DNAH3: variants seen among roughly 807,000 people sequenced by gnomAD.
The protein encoded by DNAH3 is axonemal beta dynein heavy chain 3.
DNAH3 carries 332 observed loss-of-function variants against 432.5 expected under a neutral mutation model. The ratio of observed to expected loss-of-function variants is 0.77; its 90% CI spans 0.70 to 0.84. DNAH3 has a LOEUF of 0.84. DNAH3 is among the 40% of genes least tolerant of loss of function. The pLI is 0.00. For missense variants in DNAH3, 4,861 were observed against 5,114.0 expected (o/e 0.95, Z 1.51); for synonymous variants, 1,956 against 1,900.2 (o/e 1.03, Z -0.76).
intron 18 of DNAH3, among the ~76,000 whole-genome samples, 157 bp downstream of exon 18, chr16:21,097,198 C>T (rs2091707227): frequency 1.3e-5 from 2 of 152,254 alleles, no homozygotes; most frequent in African/African-American, 4.8e-5. Flanking sequence ...TTTATTATCA[C>T]ATCAGATAAT....
intron 3 of DNAH3, 137 bp from the exon 5 acceptor site, chr16:21,141,509 GA>G: frequency 1.6e-6 from 1 of 625,312 alleles, no homozygotes; most frequent in South Asian, 2.1e-5. Context: ...CGTGGCAGGA[GA>G]TGTGGGCTCA....
At chr16:20,957,764 G>A (rs8060816) in intron 54 of DNAH3, among the ~76,000 whole-genome samples, 32,628 of 134,680 alleles carry the variant, frequency 0.24, 3,872 homozygotes, top group Admixed American at 0.32. Context: ...TGGAGATCGC[G>A]TCATTGCACT....
intron 1 of DNAH3, among the ~76,000 whole-genome samples, chr16:21,152,568 G>A (rs1336528152): frequency 3.3e-5 from 5 of 152,272 alleles, no homozygotes; most frequent in African/African-American, 1.2e-4. Flanking sequence ...GCCGAAGCCG[G>A]CTCCCTCAGC....
intron 1 of DNAH3, among the ~76,000 whole-genome samples, chr16:21,151,743 T>C (rs1183573490): frequency 1.3e-5 from 2 of 152,206 alleles, no homozygotes; most frequent in Non-Finnish European, 2.9e-5. Context: ...GAAATACATG[T>C]GCACATACTC....
At chr16:21,003,194 A>G (rs966171055) in exon 42 of DNAH3, 1 of 1,608,994 alleles carries the variant, frequency 6.2e-7, no homozygotes, top group South Asian at 1.1e-5. Flanking sequence ...TAAAATAAAA[A>G]TCATAGATGC....
intron 17 of DNAH3, 35 bp from the exon 18 acceptor site, chr16:21,097,534 G>A: frequency 6.2e-7 from 1 of 1,608,594 alleles, no homozygotes; most frequent in Non-Finnish European, 8.5e-7. Context: ...TTATGGGATG[G>A]GTTGTTCTCC....
chr16:21,155,225 A>T (rs1196186369), intron 1 of DNAH3, among the ~76,000 whole-genome samples: 3 of 151,948 alleles, frequency 2.0e-5, no homozygotes, highest in African/African-American at 2.4e-5. Context: ...GCTGGGATTC[A>T]GGCATGAGCC....
intron 51 of DNAH3, 130 bp from the exon 52 acceptor site, chr16:20,970,120 G>A (rs1416415493): frequency 9.6e-6 from 8 of 833,202 alleles, no homozygotes; most frequent in South Asian, 4.6e-5. Context: ...TTAACATGGT[G>A]CCTGCCGCTG....
chr16:20,964,469 C>G lies in DNAH3; in HGVS notation c.9415G>C (p.Glu3139Gln). Residue 3139 changes from glutamate (E) to glutamine (Q), a missense_variant, in exon 53 of 62, where the codon GAA becomes CAA. Coordinates refer to ENST00000261383, the Ensembl canonical transcript of DNAH3. ...AATGTTGCCTTGAGCAAGATAGGTT[C>G]GATAGAAGCATCCAGCTCTTCTCCA... The G allele has an allele frequency of 1.9e-6, 3 of 1,614,168 alleles. No individual in the cohort carries two copies. In the South Asian group the frequency reaches 3.3e-5, roughly 18 times the overall value.
intron 3 of DNAH3, among the ~76,000 whole-genome samples, chr16:21,142,109 G>A (rs2092726955): frequency 6.6e-6 from 1 of 151,696 alleles, no homozygotes; most frequent in Non-Finnish European, 1.5e-5. Context: ...GCTCATGCCT[G>A]TAATCCCAGC....
intron 60 of DNAH3, among the ~76,000 whole-genome samples, chr16:20,936,115 A>G (rs973347523): frequency 1.3e-5 from 2 of 152,100 alleles, no homozygotes; most frequent in Non-Finnish European, 2.9e-5. Context: ...AACCAAACAT[A>G]ATTATTGTCC....
chr16:20,947,348 G>A (rs2084095194), intron 57 of DNAH3, among the ~76,000 whole-genome samples: 1 of 152,158 alleles, frequency 6.6e-6, no homozygotes. Context: ...TATATCTTTT[G>A]TAATATTCCT....
At chr16:20,975,208 C>T (rs2152647063) in intron 51 of DNAH3, 25 bp downstream of exon 51, 2 of 1,610,890 alleles carry the variant, frequency 1.2e-6, no homozygotes, top group Non-Finnish European at 1.7e-6. Context: ...CACCAGTTCC[C>T]TCCCTTTCTT....
exon 57 of DNAH3, chr16:20,948,514 G>C (rs2084158461): frequency 6.2e-7 from 1 of 1,613,954 alleles, no homozygotes; most frequent in Non-Finnish European, 8.5e-7. Flanking sequence ...GATGTAGTAA[G>C]TGTCTCCAGG....
chr16:21,081,250 C>G (rs1415086318), intron 20 of DNAH3, among the ~76,000 whole-genome samples: 2 of 152,014 alleles, frequency 1.3e-5, no homozygotes, highest in Non-Finnish European at 2.9e-5. Flanking sequence ...CCAGGTTTCA[C>G]ACAATCTTAA....
chr16:20,959,610 A>AACACACACACACACACACAC (rs55757849), intron 53 of DNAH3, among the ~76,000 whole-genome samples: 1 of 137,564 alleles, frequency 7.3e-6, no homozygotes, highest in Non-Finnish European at 1.6e-5. Context: ...TCTCTATTTA[A>AACACACACACACACACACAC]ACACACACAC....
intron 51 of DNAH3, among the ~76,000 whole-genome samples, chr16:20,971,701 C>T (rs901999207): frequency 1.3e-5 from 2 of 152,170 alleles, no homozygotes; most frequent in Non-Finnish European, 2.9e-5. Context: ...TCACTCACCT[C>T]CCTCCTGCTC....
chr16:21,102,125 AC>A (rs1329069363), intron 16 of DNAH3, among the ~76,000 whole-genome samples: 1 of 152,200 alleles, frequency 6.6e-6, no homozygotes, highest in Non-Finnish European at 1.5e-5. Context: ...TTAAAGGTTC[AC>A]CGAAGAGAGG....
intron 1 of DNAH3, chr16:21,150,441 T>C (rs1376466410): frequency 2.5e-6 from 1 of 395,108 alleles, no homozygotes; most frequent in Non-Finnish European, 4.9e-6. Context: ...ATAATGGGGA[T>C]GACACCAACA....
Sources: allele counts gnomAD v4.1 joint callset (sites outside exome capture counted in the v4.1 genomes callset), GRCh38; gene constraint gnomAD v4.1.1; transcripts MANE v1.5; gene names NCBI Gene and HGNC (gene_info 2026-07-23, HGNC 2026-07-21).